Variants in ADAMTS6 observed in about 807,000 individuals in gnomAD.
ADAMTS6 encodes ADAM metallopeptidase with thrombospondin type 1 motif 6.
In ADAMTS6, 23 loss-of-function variants were observed where a neutral mutation model predicts 144.3. That is an observed-to-expected ratio of 0.16 (90% CI 0.11 to 0.23). ADAMTS6 has a LOEUF of 0.23. ADAMTS6 is among the 10% of genes least tolerant of loss of function. The pLI is 1.00. For synonymous variants in ADAMTS6, 444 were observed against 457.5 expected (o/e 0.97, Z 0.38); for missense variants, 999 against 1,379.6 (o/e 0.72, Z 4.37).
At chr5:65,311,774 C>G (rs1744517587) in intron 9 of ADAMTS6, among the ~76,000 whole-genome samples, 1 of 152,034 alleles carries the variant, frequency 6.6e-6, no homozygotes, top group Admixed American at 6.6e-5. Context: ...AAAGAGCAAA[C>G]ATAGCCTACT....
intron 21 of ADAMTS6, among the ~76,000 whole-genome samples, chr5:65,189,063 C>T (rs1353522673): frequency 1.3e-5 from 2 of 152,186 alleles, no homozygotes; most frequent in Non-Finnish European, 2.9e-5. Flanking sequence ...ACAGGCAGAT[C>T]TCTTGTTTCA....
At chr5:65,381,772 A>G (rs1658828482) in intron 7 of ADAMTS6, among the ~76,000 whole-genome samples, 1 of 152,062 alleles carries the variant, frequency 6.6e-6, no homozygotes, top group Non-Finnish European at 1.5e-5. Flanking sequence ...GATTCTTCAT[A>G]GAGTTTAAAA....
chr5:65,219,691 T>C (rs1012182296), intron 18 of ADAMTS6, among the ~76,000 whole-genome samples: 7 of 152,118 alleles, frequency 4.6e-5, no homozygotes, highest in African/African-American at 1.7e-4. Context: ...TACAGGCATG[T>C]GCCACCATGC....
intron 12 of ADAMTS6, among the ~76,000 whole-genome samples, chr5:65,264,379 G>A (rs954609): frequency 0.56 from 85,587 of 151,818 alleles, 24,684 homozygotes; most frequent in African/African-American, 0.7. Flanking sequence ...TAGAGCATCT[G>A]AATTTACTGG....
chr5:65,163,676 A>G (rs1752929241), intron 24 of ADAMTS6, among the ~76,000 whole-genome samples: 1 of 152,222 alleles, frequency 6.6e-6, no homozygotes, highest in Admixed American at 6.5e-5. Context: ...ATATTAACAA[A>G]TTATTTGACT....
chr5:65,351,783 G>C (rs1344309562), intron 7 of ADAMTS6, among the ~76,000 whole-genome samples: 1 of 151,576 alleles, frequency 6.6e-6, no homozygotes, highest in Non-Finnish European at 1.5e-5. Context: ...AGGCAACACA[G>C]AGAGAATTCG....
At position 65,370,626 on chromosome 5, in the gene ADAMTS6, C is replaced by T. The variant is rs549961125; in HGVS notation, c.1074-36541G>A. 4.1e-3 allele frequency among the ~76,000 whole-genome samples: 617 copies of T among 152,328 alleles called. 3 individuals are homozygous for T. The highest frequency in any genetic ancestry group is 6.9e-3 in the Non-Finnish European group (467 of 68,016). ...CCCGCACCTGGATCGGAGGGTCCTA[C>T]GCCCACGGAGTCTCGCTGATTGCTA... On this transcript the variant is annotated intron_variant, in intron 7 of 24. Coordinates refer to ENST00000381055, the MANE Select transcript of ADAMTS6 (RefSeq NM_197941.4).
intron 9 of ADAMTS6, among the ~76,000 whole-genome samples, chr5:65,317,295 A>G (rs1278659754): frequency 6.6e-6 from 1 of 152,218 alleles, no homozygotes; most frequent in Admixed American, 6.5e-5. Context: ...AACATTATCA[A>G]CAAAAGGGAT....
At chr5:65,220,365 T>C (rs1757233026) in intron 18 of ADAMTS6, among the ~76,000 whole-genome samples, 1 of 152,176 alleles carries the variant, frequency 6.6e-6, no homozygotes, top group African/African-American at 2.4e-5. Flanking sequence ...AGATTTTTAA[T>C]CAGTAATTTA....
At chr5:65,448,619 G>GT (rs1554093221) in intron 7 of ADAMTS6, among the ~76,000 whole-genome samples, 13 of 151,536 alleles carry the variant, frequency 8.6e-5, no homozygotes, top group African/African-American at 1.2e-4. Context: ...CGCCTGGCTA[G>GT]TTTTTTTTGT....
chr5:65,319,687 GAA>G (rs1745357963), intron 9 of ADAMTS6, among the ~76,000 whole-genome samples: 1 of 93,844 alleles, frequency 1.1e-5, no homozygotes, highest in Non-Finnish European at 2.0e-5. Context: ...GGGAGGGAGG[GAA>G]GGAAGGAAGG....
At chr5:65,216,075 C>G (rs1756896064) in intron 18 of ADAMTS6, among the ~76,000 whole-genome samples, 2 of 151,828 alleles carry the variant, frequency 1.3e-5, no homozygotes, top group Non-Finnish European at 2.9e-5. Context: ...TGCCACAATT[C>G]AACTCCTAGG....
chr5:65,324,156 C>T lies in ADAMTS6; in HGVS notation c.1223+5222G>A, dbSNP rs192674856. On this transcript the variant is annotated intron_variant, in intron 9 of 24. Coordinates refer to ENST00000381055, the MANE Select transcript of ADAMTS6 (RefSeq NM_197941.4). ...CAATTGTCAATTTTGGCTTTTGTTG[C>T]CATTGCTTTTGGTGTTTTAGACATG... 3.6e-3 allele frequency among the ~76,000 whole-genome samples: 546 copies of T among 152,212 alleles called. 2 individuals are homozygous for T. The highest frequency in any genetic ancestry group is 0.014 in the Middle Eastern group (4 of 294).
At chr5:65,418,457 T>C (rs1458845697) in intron 7 of ADAMTS6, among the ~76,000 whole-genome samples, 2 of 152,168 alleles carry the variant, frequency 1.3e-5, no homozygotes, top group African/African-American at 4.8e-5. Flanking sequence ...AGGGGCTTTT[T>C]CCCTATTGTT....
At chr5:65,471,673 A>G (rs1760453759) in intron 2 of ADAMTS6, among the ~76,000 whole-genome samples, 1 of 151,938 alleles carries the variant, frequency 6.6e-6, no homozygotes, top group African/African-American at 2.4e-5. Flanking sequence ...CAGGAGAATC[A>G]CTTGAACCTG....
chr5:65,187,932 T>C (rs16893475), intron 22 of ADAMTS6, 84 bp downstream of exon 22: 230,184 of 1,355,956 alleles, frequency 0.17, 20,599 homozygotes, highest in Middle Eastern at 0.26. Context: ...TTCTAAGATG[T>C]TCAGGTGTCC....
intron 14 of ADAMTS6, among the ~76,000 whole-genome samples, chr5:65,247,233 T>C (rs1200487098): frequency 6.6e-6 from 1 of 152,186 alleles, no homozygotes; most frequent in Non-Finnish European, 1.5e-5. Context: ...TAATAGCATC[T>C]TTATCACCAC....
intron 7 of ADAMTS6, among the ~76,000 whole-genome samples, chr5:65,382,939 G>A (rs1216871649): frequency 2.0e-5 from 3 of 152,192 alleles, no homozygotes; most frequent in South Asian, 2.1e-4. Flanking sequence ...CAGATTCTAC[G>A]TCTGGTGAAA....
At chr5:65,215,102 G>A (rs140289344) in intron 19 of ADAMTS6, among the ~76,000 whole-genome samples, 170 bp from the exon 20 acceptor site, 1 of 152,072 alleles carries the variant, frequency 6.6e-6, no homozygotes, top group African/African-American at 2.4e-5. Flanking sequence ...GGGTATTTTG[G>A]AGCCATTGCT....
Sources: gnomAD v4.1 joint callset for allele counts (sites outside exome capture counted in the v4.1 genomes callset) on GRCh38, gnomAD v4.1.1 for gene constraint, MANE v1.5 for transcripts, NCBI Gene and HGNC (gene_info 2026-07-23, HGNC 2026-07-21) for gene names.